Variants in TRDN observed in about 807,000 individuals in gnomAD.
TRDN encodes the protein triadin, also known as triadin in skeletal muscle.
TRDN carries 161 observed loss-of-function variants against 149.7 expected under a neutral mutation model. The observed-to-expected ratio is 1.08, with a 90% CI of 0.95 to 1.23. The LOEUF is 1.23. Among genes scored for constraint, TRDN ranks in the 50% most tolerant of loss-of-function variants. The pLI is 0.00. For missense variants in TRDN, 896 were observed against 823.5 expected (o/e 1.09, Z -1.08); for synonymous variants, 294 against 250.5 (o/e 1.17, Z -1.64).
intron 38 of TRDN, among the ~76,000 whole-genome samples, chr6:123,238,432 C>T (rs1297324690): frequency 1.3e-5 from 2 of 151,854 alleles, no homozygotes; most frequent in African/African-American, 4.8e-5. Flanking sequence ...TAAGGATAAT[C>T]ACTAAAGTAA....
chr6:123,331,188 C>T (rs145881595), intron 23 of TRDN, among the ~76,000 whole-genome samples: 91 of 152,068 alleles, frequency 6.0e-4, no homozygotes, highest in South Asian at 1.0e-3. Context: ...TTATGTTTTA[C>T]GTTGAATTTG....
At chr6:123,605,735 GC>G (rs1387834675) in intron 1 of TRDN, among the ~76,000 whole-genome samples, 1 of 152,086 alleles carries the variant, frequency 6.6e-6, no homozygotes, top group African/African-American at 2.4e-5. Context: ...CTGTACTCTA[GC>G]CTGGGTAACA....
chr6:123,409,988 T>G (rs1316911985), intron 12 of TRDN, among the ~76,000 whole-genome samples: 1 of 152,048 alleles, frequency 6.6e-6, no homozygotes, highest in Admixed American at 6.5e-5. Flanking sequence ...GACTTTTATA[T>G]GGATGGAGCA....
At chr6:123,351,183 G>GTCA in intron 21 of TRDN, 1 of 984,000 alleles carries the variant, frequency 1.0e-6, no homozygotes, top group Middle Eastern at 5.2e-4. Flanking sequence ...GATAATTTAT[G>GTCA]TCATCTGTGT....
chr6:123,336,141 G>A (rs1449270464), intron 22 of TRDN, among the ~76,000 whole-genome samples: 3 of 151,690 alleles, frequency 2.0e-5, no homozygotes, highest in Non-Finnish European at 4.4e-5. Flanking sequence ...TTTTTATAAG[G>A]TCTACACTCA....
chr6:123,368,796 C>T (rs889656156), intron 19 of TRDN, among the ~76,000 whole-genome samples: 38 of 152,138 alleles, frequency 2.5e-4, no homozygotes, highest in African/African-American at 8.4e-4. Context: ...TCCCATTATA[C>T]GGTATCTGAT....
intron 10 of TRDN, among the ~76,000 whole-genome samples, chr6:123,456,527 C>T (rs1776132318): frequency 2.0e-5 from 3 of 151,596 alleles, no homozygotes; most frequent in East Asian, 1.9e-4. Flanking sequence ...AGAGTGCAGT[C>T]GTGGGATCTC....
At chr6:123,634,688 T>C (rs1786200257) in intron 1 of TRDN, among the ~76,000 whole-genome samples, 1 of 151,906 alleles carries the variant, frequency 6.6e-6, no homozygotes, top group South Asian at 2.1e-4. Flanking sequence ...TGTGCTTCCT[T>C]AAAAGATGAG....
In TRDN at chr6:123,416,698, C is replaced by CT. The variant is rs139842688; in HGVS notation, c.1051+21364dup. Among the ~76,000 whole-genome samples the CT allele has an allele frequency of 7.7e-4, 113 of 146,328 alleles. 2 individuals carry two copies. Among genetic ancestry groups the CT allele is most frequent in the African/African-American group, 2.1e-3 (82 of 39,720 alleles). On this transcript the variant is annotated intron_variant, in intron 12 of 40. Coordinates refer to ENST00000334268, the MANE Select transcript of TRDN (RefSeq NM_006073.4). ...TCCTTGTCACCATTATTCTTTTCCT[C>CT]TTTTTTTCTTTTTTTTTAGTTGACA...
intron 16 of TRDN, among the ~76,000 whole-genome samples, chr6:123,378,625 G>A (rs1028532517): frequency 9.9e-5 from 15 of 152,100 alleles, no homozygotes; most frequent in Non-Finnish European, 2.1e-4. Context: ...GCTTATTGCA[G>A]TTATTTTAAA....
At chr6:123,418,005 A>G (rs563748321) in intron 12 of TRDN, among the ~76,000 whole-genome samples, 3 of 152,240 alleles carry the variant, frequency 2.0e-5, no homozygotes, top group African/African-American at 7.2e-5. Context: ...CTAACTCCAC[A>G]TTTTGCTTAT....
At chr6:123,544,261 A>G (rs1001712995) in intron 4 of TRDN, among the ~76,000 whole-genome samples, 1 of 43,816 alleles carries the variant, frequency 2.3e-5, no homozygotes, top group African/African-American at 1.0e-4. Context: ...ACACACACAC[A>G]CACACACACA....
chr6:123,478,682 C>T (rs1391902170), intron 9 of TRDN, among the ~76,000 whole-genome samples: 1 of 151,938 alleles, frequency 6.6e-6, no homozygotes, highest in Non-Finnish European at 1.5e-5. Flanking sequence ...TTTAATGTAC[C>T]CAGCATGCAA....
chr6:123,585,394 G>A (rs980140905), intron 1 of TRDN, among the ~76,000 whole-genome samples: 2 of 152,084 alleles, frequency 1.3e-5, no homozygotes, highest in Non-Finnish European at 2.9e-5. Flanking sequence ...AACAGTTATG[G>A]AGGCAAGGGA....
intron 12 of TRDN, among the ~76,000 whole-genome samples, chr6:123,426,277 A>C (rs1227793815): frequency 6.6e-6 from 1 of 152,158 alleles, no homozygotes; most frequent in African/African-American, 2.4e-5. Flanking sequence ...GAAGGGTAAA[A>C]AGGTAAAGGA....
chr6:123,270,775 GA>G (rs1412121558), intron 30 of TRDN, among the ~76,000 whole-genome samples: 1 of 151,850 alleles, frequency 6.6e-6, no homozygotes, highest in African/African-American at 2.4e-5. Context: ...ATAAATAGTA[GA>G]AAGTTTCAGA....
At chr6:123,560,839 C>T (rs1583247091) in intron 2 of TRDN, among the ~76,000 whole-genome samples, 1 of 152,164 alleles carries the variant, frequency 6.6e-6, no homozygotes, top group Non-Finnish European at 1.5e-5. Flanking sequence ...ATGTAGGTTA[C>T]AAGCCACTAG....
intron 5 of TRDN, among the ~76,000 whole-genome samples, chr6:123,518,290 C>A (rs1006324114): frequency 6.6e-6 from 1 of 152,110 alleles, no homozygotes; most frequent in Non-Finnish European, 1.5e-5. Flanking sequence ...CAAAATAAGG[C>A]AAGGAAATCA....
At chr6:123,507,282 C>A (rs1352079686) in intron 7 of TRDN, among the ~76,000 whole-genome samples, 1 of 151,846 alleles carries the variant, frequency 6.6e-6, no homozygotes, top group East Asian at 1.9e-4. Flanking sequence ...TAGTATGGAA[C>A]TATAGATGTG....
Sources: allele counts gnomAD v4.1 joint callset (sites outside exome capture counted in the v4.1 genomes callset), GRCh38; gene constraint gnomAD v4.1.1; transcripts MANE v1.5; gene names NCBI Gene and HGNC (gene_info 2026-07-23, HGNC 2026-07-21).